PSD: variants seen among roughly 807,000 people sequenced by gnomAD.
PSD encodes PH and SEC7 domain-containing protein 1.
PSD carries 32 observed loss-of-function variants against 91.6 expected under a neutral mutation model. That is an observed-to-expected ratio of 0.35 (90% confidence interval 0.26 to 0.47). PSD has a LOEUF of 0.47. Ranked by LOEUF, PSD falls within the 20% of genes least tolerant of loss-of-function variation. PSD has a pLI of 1.00. For synonymous variants in PSD, 532 were observed against 569.3 expected (o/e 0.93, Z 0.93); for missense variants, 1,099 against 1,373.9 (o/e 0.80, Z 3.16).
Position 102,416,856 on chromosome 10 carries a change from T to C in PSD, c.183A>G (p.Gly61=), listed in dbSNP as rs1589895062. 1 of 1,600,060 alleles carries C rather than the reference T, an allele frequency of 6.2e-7. No homozygotes were observed. Among genetic ancestry groups the C allele is most frequent in the South Asian group, 1.1e-5 (1 of 88,836 alleles). ...AGPGPRGREL[G]RVTAPCTPLR... is the part of the protein sequence containing the mutation. The stretch of plus-strand genomic sequence containing the variant: ...GAGGTGTACAGGGTGCTGTCACACG[T>C]CCCAGTTCCCGGCCTCGAGGACCTG... The change falls in exon 2 of 17, where the codon GGA becomes GGG. Residue 61 remains glycine (G), a synonymous_variant. Coordinates refer to ENST00000020673, the MANE Select transcript of PSD (RefSeq NM_002779.5). The surrounding 1 kb of genome is among the most constrained non-coding windows in gnomAD (Gnocchi z 6.0).
In PSD at chr10:102,414,746, C is replaced by T. The variant is rs1164325833; in HGVS notation, c.1124+117G>A. 4.3e-5 allele frequency: 58 copies of T among 1,352,162 alleles called. No individual in the cohort carries two copies. The highest frequency in any genetic ancestry group is 4.9e-5 in the Non-Finnish European group (50 of 1,020,350). 83.8% of individuals were successfully genotyped at this position (1,352,162 alleles called of 1,614,324 possible). A position where few individuals can be genotyped will look rare whatever the true frequency, so the allele number is the denominator to read the frequency against. On this transcript the variant is annotated intron_variant, in intron 4 of 16. Transcript: ENST00000020673. This position sits in a 1 kb window ranked among gnomAD's most constrained non-coding sequence, Gnocchi z 5.6. ...GAATCTCCTGCTATACACACTGCCC[C>T]GCCAGCCCCACACCCATCTCTATCC...
Position 102,409,262 on chromosome 10 carries a change from C to T in PSD, c.2091+1596G>A. 1 of 985,268 alleles carries T rather than the reference C, an allele frequency of 1.0e-6. No homozygotes were observed. The highest frequency in any genetic ancestry group is 1.7e-5 in the African/African-American group (1 of 57,214). The allele number at this position is 985,268 out of a possible 1,614,324, so 61.0% of individuals were successfully genotyped here. On this transcript the variant is annotated intron_variant, in intron 10 of 16. Transcript: ENST00000020673. This position sits in a 1 kb window ranked among gnomAD's most constrained non-coding sequence, Gnocchi z 5.7. ...CGCACGGAGTGCGCGGCGGCGGCGG[C>T]GGCGCTGTCTGCTCTGCGGCTTGGC... is the stretch of plus-strand genomic sequence containing the variant.
chr10:102,413,337 G>A (rs997480954), intron 5 of PSD, among the ~76,000 whole-genome samples: 2 of 152,224 alleles, frequency 1.3e-5, no homozygotes, highest in Non-Finnish European at 1.5e-5. Flanking sequence ...GGAGCTGGAC[G>A]AGAGATGCCT....
In PSD at chr10:102,405,361, G is replaced by A; in HGVS notation, c.2311C>T (p.Pro771Ser). ...GGCCACATACTCTTCCTGCAGTCAG[G>A]GTCTGCGTGCACCTTTCGCACCAGG... The part of the protein sequence containing the change: ...GALVRKVHAD[P>S]DCRKTPRGKR... Residue 771 changes from proline to serine, a missense_variant, in exon 12 of 17, where the codon CCT becomes TCT. Pro to Ser is a moderately conservative substitution (Grantham distance 74). Transcript: ENST00000020673. This position sits in a 1 kb window ranked among gnomAD's most constrained non-coding sequence, Gnocchi z 5.4. 6.2e-7 allele frequency: 1 copy of A among 1,612,156 alleles called. No individual in the cohort carries two copies. The highest frequency in any genetic ancestry group is 8.5e-7 in the Non-Finnish European group (1 of 1,179,588).
In PSD at chr10:102,415,911, C is replaced by A. The variant is rs141341366; in HGVS notation, c.757+106G>T. 3.1e-5 allele frequency: 24 copies of A among 780,746 alleles called. No individual in the cohort carries two copies. The East Asian group carries it at 6.3e-4, about 20-fold the overall frequency. 48.4% of individuals were successfully genotyped at this position (780,746 alleles called of 1,614,324 possible). ...GGGGAGACATTGGCTGACTCAAGAG[C>A]CAATTCCAAGGATTGGGGGAAGTTT... is the stretch of plus-strand genomic sequence containing the variant. On this transcript the variant is annotated intron_variant, in intron 3 of 16. Transcript: ENST00000020673.
Position 102,417,065 on chromosome 10 carries a change from G to A in PSD, c.-27C>T, listed in dbSNP as rs1291615679. 3 of 1,447,130 alleles carry A rather than the reference G, an allele frequency of 2.1e-6. No individual in the cohort carries two copies. The highest frequency in any genetic ancestry group is 2.8e-6 in the Non-Finnish European group (3 of 1,073,186). 89.6% of individuals were successfully genotyped at this position (1,447,130 alleles called of 1,614,324 possible). A position where few individuals can be genotyped will look rare whatever the true frequency, so the allele number is the denominator to read the frequency against. On this transcript the variant is annotated 5_prime_UTR_variant, in exon 2 of 17. Coordinates refer to ENST00000020673, the MANE Select transcript of PSD (RefSeq NM_002779.5). ...CTGGGGCCGGGGGTCAGGCTGGGGG[G>A]GCAGGGATGGCGAGGCCAGGCGGGG...
rs1000635499 is a variant in PSD, at chr10:102,405,228, C to A, written c.2352G>T (p.Lys784Asn). 1 of 1,610,950 alleles carries A rather than the reference C, an allele frequency of 6.2e-7. No individual in the cohort carries two copies. Among genetic ancestry groups the A allele is most frequent in the Admixed American group, 1.7e-5 (1 of 60,026 alleles). The change falls in exon 13 of 17, where the codon AAG becomes AAT. Residue 784 changes from lysine (K) to asparagine (N), a missense_variant. Physicochemically the swap from Lys to Asn is moderately conservative, Grantham distance 94. Around this residue, in one of 3 missense-constraint regions of PSD, gnomAD observed 358 missense variants for 426.5 expected, o/e 0.84. Coordinates refer to ENST00000020673, the MANE Select transcript of PSD (RefSeq NM_002779.5). This position sits in a 1 kb window ranked among gnomAD's most constrained non-coding sequence, Gnocchi z 5.4. ...RKTPRGKRGWKSFHGILKGMI... is the reference protein window; with the variant it reads ...RKTPRGKRGWNSFHGILKGMI... ...TGCCCTTGAGGATCCCGTGGAAGCT[C>A]TTCCAGCCCCGCTTGCCCCGAGGTG...
In PSD at chr10:102,404,866, G is replaced by A. The variant is rs145359868; in HGVS notation, c.2555+32C>T. ...GGAGCAGGATGGGAGGTGGGGGAAG[G>A]GGTCCGGGATGGGCAGGAGGAGGGC... is the stretch of plus-strand genomic sequence containing the variant. On this transcript the variant is annotated intron_variant, in intron 14 of 16. Transcript: ENST00000020673. The surrounding 1 kb of genome is among the most constrained non-coding windows in gnomAD (Gnocchi z 5.7). The A allele has an allele frequency of 5.0e-4, 806 of 1,606,046 alleles. 12 individuals carry two copies. In the East Asian group the frequency reaches 0.018, roughly 36 times the overall value.
chr10:102,416,339 T>C lies in PSD; in HGVS notation c.654+46A>G, dbSNP rs748638040. 1 of 1,559,142 alleles carries C rather than the reference T, an allele frequency of 6.4e-7. No homozygotes were observed. The highest frequency in any genetic ancestry group is 8.7e-7 in the Non-Finnish European group (1 of 1,149,716). ...CCCATGTCTGACAGGAGGCTGAGCC[T>C]TGCCCCTTCACTGGGGGCCCAGGGA... On this transcript the variant is annotated intron_variant, in intron 2 of 16. Coordinates refer to ENST00000020673, the MANE Select transcript of PSD (RefSeq NM_002779.5). The surrounding 1 kb of genome is among the most constrained non-coding windows in gnomAD (Gnocchi z 6.0).
In PSD at chr10:102,411,149, C is replaced by T. The variant is rs754967515; in HGVS notation, c.1943-33G>A. 6 of 1,572,946 alleles carry T rather than the reference C, an allele frequency of 3.8e-6. No individual in the cohort carries two copies. The Admixed American group carries it at 7.2e-5, about 19-fold the overall frequency. On this transcript the variant is annotated intron_variant, in intron 8 of 16. Coordinates refer to ENST00000020673, the MANE Select transcript of PSD (RefSeq NM_002779.5). ...AGAGCTGACTTTCAGCCTTGGCTGC[C>T]TCCCAGGGACCCTTCCCACAGCCAT...
At chr10:102,408,000 T>C (rs1435668138) in intron 10 of PSD, among the ~76,000 whole-genome samples, 1 of 152,134 alleles carries the variant, frequency 6.6e-6, no homozygotes, top group Non-Finnish European at 1.5e-5. Context: ...CTCTGTGCAG[T>C]TGGCCTGGGG....
chr10:102,404,731 G>T lies in PSD; in HGVS notation c.2556-4C>A. ...GGACTGCATCTGCTCCAGGCTCCTG[G>T]GGAGAAAGCACAGCCCTTTGGGACC... On this transcript the variant is annotated splice_polypyrimidine_tract_variant and splice_region_variant and intron_variant, in intron 14 of 16. Coordinates refer to ENST00000020673, the MANE Select transcript of PSD (RefSeq NM_002779.5). The surrounding 1 kb of genome is among the most constrained non-coding windows in gnomAD (Gnocchi z 5.7). 6.4e-7 allele frequency: 1 copy of T among 1,567,122 alleles called. No individual in the cohort carries two copies. The highest frequency in any genetic ancestry group is 1.4e-5 in the African/African-American group (1 of 73,898).
In PSD at chr10:102,409,241, C is replaced by A. The variant is rs1250010438; in HGVS notation, c.2091+1617G>T. 2 of 984,304 alleles carry A rather than the reference C, an allele frequency of 2.0e-6. No homozygotes were observed. The highest frequency in any genetic ancestry group is 3.5e-5 in the African/African-American group (2 of 57,006). The allele number at this position is 984,304 out of a possible 1,614,324, so 61.0% of individuals were successfully genotyped here. On this transcript the variant is annotated intron_variant, in intron 10 of 16. Transcript: ENST00000020673. This position sits in a 1 kb window ranked among gnomAD's most constrained non-coding sequence, Gnocchi z 5.7. ...AGCCGGCCCGGCTCTCACGGACGCA[C>A]GGAGTGCGCGGCGGCGGCGGCGGCG...
intron 1 of PSD, among the ~76,000 whole-genome samples, chr10:102,417,360 C>T (rs1434679178): frequency 1.3e-5 from 2 of 152,086 alleles, no homozygotes; most frequent in Non-Finnish European, 2.9e-5. Flanking sequence ...CCCTGAGCAT[C>T]ACCCTGGGAG....
rs778195037 is a variant in PSD, at chr10:102,416,452, A to C, written c.587T>G (p.Leu196Arg). The C allele has an allele frequency of 5.6e-6, 9 of 1,612,832 alleles. 1 individual carries two copies. In the South Asian group the frequency reaches 8.8e-5, roughly 16 times the overall value. Residue 196 changes from leucine to arginine, a missense_variant, in exon 2 of 17, where the codon CTG becomes CGG. Transcript: ENST00000020673. This position sits in a 1 kb window ranked among gnomAD's most constrained non-coding sequence, Gnocchi z 6.0. ...GGCCAGGCGCTCAGGGGGGCCCCCC[A>C]GCCCATTGGGGAGAGAGGAGTAAAG... ...DGLYSSLPNG[L>R]GGPPERLATL...
chr10:102,405,213 G>A lies in PSD; in HGVS notation c.2367C>T (p.Ile789=), dbSNP rs1213144757. The A allele has an allele frequency of 2.5e-6, 4 of 1,610,900 alleles. No homozygotes were observed. Among genetic ancestry groups the A allele is most frequent in the South Asian group, 1.1e-5 (1 of 91,076 alleles). The change falls in exon 13 of 17, where the codon ATC becomes ATT. Residue 789 remains isoleucine (I), a synonymous_variant. Coordinates refer to ENST00000020673, the MANE Select transcript of PSD (RefSeq NM_002779.5). The surrounding 1 kb of genome is among the most constrained non-coding windows in gnomAD (Gnocchi z 5.4). The part of the protein sequence containing the change: ...GKRGWKSFHG[I]LKGMILYLQK... ...GCAGGTAGAGGATCATGCCCTTGAG[G>A]ATCCCGTGGAAGCTCTTCCAGCCCC...
At position 102,416,410 on chromosome 10, in the gene PSD, G is replaced by C; in HGVS notation, c.629C>G (p.Pro210Arg). 6.2e-7 allele frequency: 1 copy of C among 1,606,536 alleles called. No individual in the cohort carries two copies. The highest frequency in any genetic ancestry group is 8.5e-7 in the Non-Finnish European group (1 of 1,176,936). The change falls in exon 2 of 17, where the codon CCT becomes CGT. Residue 210 changes from proline (P) to arginine (R), a missense_variant. Physicochemically the swap from Pro to Arg is moderately radical, Grantham distance 103. This residue lies in a region of PSD where 631 missense variants were observed against 728.8 expected (regional missense o/e 0.87). Coordinates refer to ENST00000020673, the MANE Select transcript of PSD (RefSeq NM_002779.5). This position sits in a 1 kb window ranked among gnomAD's most constrained non-coding sequence, Gnocchi z 6.0. The part of the protein sequence containing the change: ...PERLATLFGG[P>R]ADTGFLNQGD... ...CTGGTTCAGGAATCCAGTGTCAGCA[G>C]GTCCTCCGAAGAGTGTGGCCAGGCG...
Position 102,411,943 on chromosome 10 carries a change from G to A in PSD, c.1830-124C>T. The A allele has an allele frequency of 3.3e-6, 3 of 896,864 alleles. No homozygotes were observed. The South Asian group carries it at 4.1e-5, about 12-fold the overall frequency. The allele number at this position is 896,864 out of a possible 1,614,324, so 55.6% of individuals were successfully genotyped here. ...GAAGGGGAGGAGAGAAAGGGGATGA[G>A]GGTATGCACCCTGACCCTCCACCCA... On this transcript the variant is annotated intron_variant, in intron 7 of 16. Coordinates refer to ENST00000020673, the MANE Select transcript of PSD (RefSeq NM_002779.5).
In PSD at chr10:102,412,544, A is replaced by T; in HGVS notation, c.1585T>A (p.Ser529Thr). Reference sequence around the variant, plus strand: ...TCTGTGCTGTCCAGCTCTGAGTCTGAGTCGGACACCAGCTGGCTCAGGGGT... The same window carrying T: ...TCTGTGCTGTCCAGCTCTGAGTCTGTGTCGGACACCAGCTGGCTCAGGGGT... Reference protein sequence around the residue: ...EPPLSQLVSDSDSELDSTERL... With the variant: ...EPPLSQLVSDTDSELDSTERL... The change falls in exon 6 of 17, where the codon TCA becomes ACA. Residue 529 changes from serine (S) to threonine (T), a missense_variant. This residue lies in a region of PSD where 631 missense variants were observed against 728.8 expected (regional missense o/e 0.87). Transcript: ENST00000020673. 1 of 1,613,632 alleles carries T rather than the reference A, an allele frequency of 6.2e-7. No individual in the cohort carries two copies. The highest frequency in any genetic ancestry group is 8.5e-7 in the Non-Finnish European group (1 of 1,179,774).
Sources: allele counts gnomAD v4.1 joint callset (sites outside exome capture counted in the v4.1 genomes callset), GRCh38; gene constraint gnomAD v4.1.1; regional missense constraint gnomAD v4.1.1; non-coding constraint Gnocchi (gnomAD v3.1); transcripts MANE v1.5; gene names NCBI Gene and HGNC (gene_info 2026-07-23, HGNC 2026-07-21).